Variants in PLEKHH2 observed in about 807,000 individuals in gnomAD.
PLEKHH2 encodes the protein pleckstrin homology, MyTH4 and FERM domain containing H2.
PLEKHH2 carries 129 observed loss-of-function variants against 187.9 expected under a neutral mutation model. The ratio of observed to expected loss-of-function variants is 0.69; its 90% CI spans 0.59 to 0.79. PLEKHH2 has a LOEUF of 0.79. PLEKHH2 is among the 30% of genes least tolerant of loss of function. The pLI is 0.00. For missense variants in PLEKHH2, 2,076 were observed against 1,751.2 expected (o/e 1.19, Z -3.31); for synonymous variants, 686 against 605.6 (o/e 1.13, Z -1.95).
intron 3 of PLEKHH2, among the ~76,000 whole-genome samples, chr2:43,683,352 T>C (rs1195486277): frequency 6.6e-6 from 1 of 152,060 alleles, no homozygotes; most frequent in Non-Finnish European, 1.5e-5. Context: ...TTGGTCGGGC[T>C]GGTCTCAAAC....
chr2:43,687,959 G>A (rs1381716592), intron 3 of PLEKHH2, among the ~76,000 whole-genome samples: 1 of 151,976 alleles, frequency 6.6e-6, no homozygotes, highest in Non-Finnish European at 1.5e-5. Flanking sequence ...ACTATACTCA[G>A]CTAATATTTT....
chr2:43,765,336 G>A, intron 29 of PLEKHH2, 77 bp from the exon 30 acceptor site: 1 of 1,427,194 alleles, frequency 7.0e-7, no homozygotes, highest in South Asian at 1.3e-5. Context: ...GAGCTCACCT[G>A]TGGCCAACAC....
chr2:43,680,574 T>C (rs566853620), intron 3 of PLEKHH2: 7 of 178,230 alleles, frequency 3.9e-5, no homozygotes, highest in Admixed American at 1.9e-4. Context: ...TTTAGAAGGG[T>C]AAGGAGTCTG....
In PLEKHH2 at chr2:43,765,568, C is replaced by T. The variant is rs1474355953; in HGVS notation, c.4452C>T (p.Ser1484=). 1.2e-6 allele frequency: 2 copies of T among 1,612,922 alleles called. No homozygotes were observed. Among genetic ancestry groups the T allele is most frequent in the East Asian group, 2.2e-5 (1 of 44,874 alleles). The part of the protein sequence containing the change: ...MMGSQPLLSS[S]RPTKGPTLL ...GAAGCCAGCCTCTTCTGTCAAGCAGCAGACCGACCAAAGGCCCCACCTTAC... is the reference window on the plus strand; with the variant it reads ...GAAGCCAGCCTCTTCTGTCAAGCAGTAGACCGACCAAAGGCCCCACCTTAC... Residue 1484 remains serine, a synonymous_variant, in exon 30 of 30, where the codon AGC becomes AGT. Coordinates refer to ENST00000282406, the MANE Select transcript of PLEKHH2 (RefSeq NM_172069.4).
chr2:43,691,227 A>G lies in PLEKHH2; in HGVS notation c.187-1287A>G, dbSNP rs74754373. 4.3e-3 allele frequency among the ~76,000 whole-genome samples: 659 copies of G among 152,274 alleles called. 5 individuals are homozygous for G. The highest frequency in any genetic ancestry group is 0.014 in the African/African-American group (602 of 41,544). ...ACCAGGAAGAAGTAGTTGCACGGAC[A>G]CTCAAAGAATGAGCAAGGCAGGAAG... is the stretch of plus-strand genomic sequence containing the variant. On this transcript the variant is annotated intron_variant, in intron 3 of 29. Coordinates refer to ENST00000282406, the MANE Select transcript of PLEKHH2 (RefSeq NM_172069.4).
intron 11 of PLEKHH2, among the ~76,000 whole-genome samples, chr2:43,708,532 G>A (rs1669786869): frequency 6.6e-6 from 1 of 152,202 alleles, no homozygotes. Flanking sequence ...TCAAATTGCA[G>A]CCCTTTGTCT....
intron 24 of PLEKHH2, among the ~76,000 whole-genome samples, chr2:43,752,146 G>C (rs1672036175): frequency 6.6e-6 from 1 of 152,122 alleles, no homozygotes; most frequent in Non-Finnish European, 1.5e-5. Context: ...ACTTCAAGTA[G>C]GGAGAATAAG....
chr2:43,639,769 G>C (rs1703285686), intron 1 of PLEKHH2, among the ~76,000 whole-genome samples: 1 of 147,562 alleles, frequency 6.8e-6, no homozygotes, highest in African/African-American at 2.5e-5. Context: ...CAATTCTCCT[G>C]TCTCAGCCTC....
At chr2:43,686,193 TTTC>T (rs1226989385) in intron 3 of PLEKHH2, among the ~76,000 whole-genome samples, 28 of 152,008 alleles carry the variant, frequency 1.8e-4, no homozygotes, top group African/African-American at 5.3e-4. Flanking sequence ...CTTCTTCTTC[TTTC>T]TTCTTCTTCT....
intron 16 of PLEKHH2, among the ~76,000 whole-genome samples, chr2:43,723,077 A>C (rs1408508875): frequency 6.6e-6 from 1 of 152,210 alleles, no homozygotes; most frequent in Non-Finnish European, 1.5e-5. Flanking sequence ...ATGAATAACC[A>C]TCTTTAAATA....
intron 21 of PLEKHH2, 141 bp from the exon 22 acceptor site, chr2:43,742,600 G>A (rs1020718133): frequency 1.5e-5 from 8 of 551,140 alleles, no homozygotes; most frequent in Non-Finnish European, 2.3e-5. Context: ...CAGCAGTTTA[G>A]TATTATCATT....
At chr2:43,740,006 T>C (rs1671487060) in intron 20 of PLEKHH2, among the ~76,000 whole-genome samples, 1 of 152,242 alleles carries the variant, frequency 6.6e-6, no homozygotes, top group South Asian at 2.1e-4. Context: ...AACTGTCTCC[T>C]ACTAGACTGT....
At chr2:43,671,937 G>A (rs1387004352) in intron 2 of PLEKHH2, among the ~76,000 whole-genome samples, 2 of 152,300 alleles carry the variant, frequency 1.3e-5, no homozygotes, top group South Asian at 2.1e-4. Flanking sequence ...CTTATAAAAT[G>A]TGTTAGGAAG....
intron 15 of PLEKHH2, among the ~76,000 whole-genome samples, chr2:43,716,281 C>T (rs1241143904): frequency 6.6e-6 from 1 of 152,002 alleles, no homozygotes; most frequent in Non-Finnish European, 1.5e-5. Context: ...TGGGAAGGCA[C>T]ACTGGAAGGG....
rs546709805 is a variant in PLEKHH2, at chr2:43,682,339, C to T, written c.186+3414C>T. ...AACTTTTTTTTTTGAGACAGTCTCA[C>T]TCTGTCACCTGGGCTGGAGTGCAGT... On this transcript the variant is annotated intron_variant, in intron 3 of 29. Transcript: ENST00000282406. Among the ~76,000 whole-genome samples, 47 of 152,158 alleles carry T rather than the reference C, an allele frequency of 3.1e-4. No individual in the cohort carries two copies. In the South Asian group the frequency reaches 6.2e-3, roughly 20 times the overall value.
At chr2:43,677,351 T>C (rs1226057399) in intron 2 of PLEKHH2, among the ~76,000 whole-genome samples, 2 of 152,182 alleles carry the variant, frequency 1.3e-5, no homozygotes, top group African/African-American at 2.4e-5. Flanking sequence ...TTCGGCCCTC[T>C]GCAGTGTTTG....
chr2:43,657,372 G>A (rs1282362582), intron 2 of PLEKHH2, among the ~76,000 whole-genome samples: 5 of 152,126 alleles, frequency 3.3e-5, no homozygotes, highest in Admixed American at 2.0e-4. Context: ...GCCTCAGCTG[G>A]GAGTGGTGAA....
intron 2 of PLEKHH2, among the ~76,000 whole-genome samples, chr2:43,645,086 G>T (rs1004127605): frequency 2.0e-5 from 3 of 152,028 alleles, no homozygotes; most frequent in African/African-American, 4.8e-5. Flanking sequence ...AGAGGAGTAT[G>T]ACAGCTTTGA....
Position 43,700,207 on chromosome 2 carries a change from C to G in PLEKHH2, c.1249C>G (p.Pro417Ala). Residue 417 changes from proline to alanine, a missense_variant, in exon 8 of 30, where the codon CCA becomes GCA. Physicochemically the swap from Pro to Ala is conservative, Grantham distance 27. Coordinates refer to ENST00000282406, the MANE Select transcript of PLEKHH2 (RefSeq NM_172069.4). Reference sequence around the variant, plus strand: ...CCCTATTTTGACCCCAGCTTTAATGCCAAAGCATCCTAACTCACTCTCTGG... The same window carrying G: ...CCCTATTTTGACCCCAGCTTTAATGGCAAAGCATCCTAACTCACTCTCTGG... ...PSPILTPALM[P>A]KHPNSLSGKG... 6.2e-7 allele frequency: 1 copy of G among 1,614,134 alleles called. No individual in the cohort carries two copies. The highest frequency in any genetic ancestry group is 8.5e-7 in the Non-Finnish European group (1 of 1,180,008).
Sources: gnomAD v4.1 joint callset for allele counts (sites outside exome capture counted in the v4.1 genomes callset) on GRCh38, gnomAD v4.1.1 for gene constraint, MANE v1.5 for transcripts, NCBI Gene and HGNC (gene_info 2026-07-23, HGNC 2026-07-21) for gene names.